Variants in TBC1D19 observed in about 807,000 individuals in gnomAD.
TBC1D19 encodes the protein TBC1 domain family member 19.
In TBC1D19, 60 loss-of-function variants were observed where a neutral mutation model predicts 89.0. The observed-to-expected ratio is 0.67, with a 90% CI of 0.55 to 0.84. The LOEUF is 0.84. TBC1D19 is among the 40% of genes least tolerant of loss of function. The pLI, the probability that TBC1D19 is intolerant of heterozygous loss-of-function variation, is 0.00. For missense variants in TBC1D19, 500 were observed against 610.8 expected, an observed-to-expected ratio of 0.82 and a Z score of 1.91; for synonymous variants, 189 against 199.7, an observed-to-expected ratio of 0.95 and a Z score of 0.45.
chr4:26,685,222 A>T (rs936599957), intron 12 of TBC1D19, among the ~76,000 whole-genome samples: 4 of 152,258 alleles, frequency 2.6e-5, no homozygotes, highest in Non-Finnish European at 5.9e-5. Flanking sequence ...GGTGTGCACA[A>T]GAGAACAGCA....
intron 9 of TBC1D19, among the ~76,000 whole-genome samples, chr4:26,668,249 C>T (rs1197167221): frequency 6.6e-6 from 1 of 151,734 alleles, no homozygotes; most frequent in Non-Finnish European, 1.5e-5. Context: ...AGTAACACAG[C>T]CTTGAGTTAT....
At chr4:26,731,658 G>A (rs1218227071) in intron 15 of TBC1D19, among the ~76,000 whole-genome samples, 1 of 152,082 alleles carries the variant, frequency 6.6e-6, no homozygotes, top group African/African-American at 2.4e-5. Context: ...TATATTGAAG[G>A]AGTGCGCAGA....
At chr4:26,834,263 G>A in the TBC1D19 span, among the ~76,000 whole-genome samples, 1 of 152,160 alleles carries the variant, frequency 6.6e-6, no homozygotes, top group African/African-American at 2.4e-5. Context: ...AGTTCTTTAT[G>A]GCAATGTGAG....
chr4:26,816,713 T>C, the TBC1D19 span, among the ~76,000 whole-genome samples: 22 of 152,232 alleles, frequency 1.4e-4, no homozygotes, highest in African/African-American at 5.3e-4. Context: ...GGTGCAAAAA[T>C]AGCTGCAGTT....
At chr4:26,740,693 C>G in intron 17 of TBC1D19, 1 of 984,984 alleles carries the variant, frequency 1.0e-6, no homozygotes, top group Non-Finnish European at 1.2e-6. Flanking sequence ...GCTTTTTTTC[C>G]CCCTTTGGAC....
the TBC1D19 span, among the ~76,000 whole-genome samples, chr4:26,817,977 A>ATATAT: frequency 3.8e-5 from 4 of 105,500 alleles, no homozygotes; most frequent in East Asian, 7.0e-4. Context: ...TTAAAAAAAA[A>ATATAT]AAAAATATAT....
At chr4:26,662,034 T>C (rs1745251942) in intron 8 of TBC1D19, among the ~76,000 whole-genome samples, 1 of 152,202 alleles carries the variant, frequency 6.6e-6, no homozygotes, top group African/African-American at 2.4e-5. Flanking sequence ...ATTTCAGATG[T>C]CGTTTACCAG....
intron 18 of TBC1D19, among the ~76,000 whole-genome samples, chr4:26,745,373 C>T (rs1397291334): frequency 6.6e-6 from 1 of 151,076 alleles, no homozygotes; most frequent in African/African-American, 2.4e-5. Context: ...CTCTTTATTC[C>T]TTTTTTCTCA....
intron 3 of TBC1D19, among the ~76,000 whole-genome samples, chr4:26,617,567 T>C (rs1741772863): frequency 6.6e-6 from 1 of 152,212 alleles, no homozygotes; most frequent in Admixed American, 6.5e-5. Context: ...ATAAATGACA[T>C]TGAGTCAGCA....
At chr4:26,821,320 G>C in the TBC1D19 span, among the ~76,000 whole-genome samples, 2 of 152,186 alleles carry the variant, frequency 1.3e-5, no homozygotes, top group Non-Finnish European at 2.9e-5. Flanking sequence ...TGAATTTTCA[G>C]TTGGCTCTGA....
chr4:26,583,418 C>G (rs768992990), upstream of TBC1D19, among the ~76,000 whole-genome samples: 13 of 152,132 alleles, frequency 8.5e-5, no homozygotes, highest in Non-Finnish European at 1.3e-4. Context: ...AATGAATATA[C>G]GGAAGAGGAT....
intron 13 of TBC1D19, among the ~76,000 whole-genome samples, chr4:26,708,713 G>A (rs1029199489): frequency 4.6e-5 from 7 of 151,600 alleles, no homozygotes; most frequent in Non-Finnish European, 1.0e-4. Flanking sequence ...CTATCTTCAA[G>A]TTTGCTGATT....
At chr4:26,686,760 A>G (rs1713847234) in intron 12 of TBC1D19, among the ~76,000 whole-genome samples, 2 of 151,952 alleles carry the variant, frequency 1.3e-5, no homozygotes, top group Admixed American at 6.6e-5. Context: ...AAAAGGCTGG[A>G]CTGTTTCTTT....
chr4:26,608,787 T>C (rs1458861708), intron 1 of TBC1D19, among the ~76,000 whole-genome samples: 1 of 151,936 alleles, frequency 6.6e-6, no homozygotes, highest in African/African-American at 2.4e-5. Flanking sequence ...AACAGTCTCT[T>C]CACTTAAATA....
the TBC1D19 span, among the ~76,000 whole-genome samples, chr4:26,818,297 T>G: frequency 6.6e-6 from 1 of 152,182 alleles, no homozygotes; most frequent in African/African-American, 2.4e-5. Flanking sequence ...GCACAATCAG[T>G]GCTCACCGTA....
chr4:26,635,163 T>C (rs1743047478), intron 4 of TBC1D19, among the ~76,000 whole-genome samples: 1 of 152,166 alleles, frequency 6.6e-6, no homozygotes, highest in Admixed American at 6.5e-5. Flanking sequence ...TTTATTGTGA[T>C]CATTTAATTA....
the TBC1D19 span, among the ~76,000 whole-genome samples, chr4:26,844,004 A>G: frequency 0.22 from 33,376 of 152,140 alleles, 4,813 homozygotes; most frequent in Middle Eastern, 0.36. Context: ...CACGATCCAA[A>G]CACCTCCTAC....
At chr4:26,752,405 G>A (rs940958020) in intron 19 of TBC1D19, among the ~76,000 whole-genome samples, 1 of 151,610 alleles carries the variant, frequency 6.6e-6, no homozygotes, top group Admixed American at 6.6e-5. Context: ...CACAGTGGCT[G>A]GCTTATTTTT....
At chr4:26,850,501 A>T in the TBC1D19 span, among the ~76,000 whole-genome samples, 2 of 144,944 alleles carry the variant, frequency 1.4e-5, no homozygotes, top group African/African-American at 5.3e-5. Context: ...GTGAGCCATG[A>T]TCGTGCCACT....
Sources: allele counts gnomAD v4.1 joint callset (sites outside exome capture counted in the v4.1 genomes callset), GRCh38; gene constraint gnomAD v4.1.1; transcripts MANE v1.5; gene names NCBI Gene and HGNC (gene_info 2026-07-23, HGNC 2026-07-21).